Variants in SLC4A5 observed in about 807,000 individuals in gnomAD.
SLC4A5 encodes solute carrier family 4 member 5, also known as electrogenic sodium bicarbonate cotransporter 4.
Under a neutral mutation model 120.4 loss-of-function variants are expected in SLC4A5, and 96 were observed. The observed-to-expected ratio is 0.80, with a 90% CI of 0.68 to 0.94. The LOEUF is 0.94. Ranked by LOEUF, SLC4A5 falls within the 40% of genes least tolerant of loss-of-function variation. The pLI is 0.00. For missense variants in SLC4A5, 1,259 were observed against 1,459.5 expected (o/e 0.86, Z 2.24); for synonymous variants, 550 against 571.1 (o/e 0.96, Z 0.53).
At chr2:74,318,661 C>T (rs532193024) in intron 5 of SLC4A5, among the ~76,000 whole-genome samples, 6 of 150,066 alleles carry the variant, frequency 4.0e-5, no homozygotes, top group African/African-American at 7.4e-5. Flanking sequence ...CCAGCCTGGG[C>T]GACAGAGTGA....
chr2:74,283,649 C>T (rs1362735372), intron 8 of SLC4A5, among the ~76,000 whole-genome samples: 1 of 152,160 alleles, frequency 6.6e-6, no homozygotes, highest in African/African-American at 2.4e-5. Context: ...GGGCAGCTGT[C>T]AGGCTCTGGG....
intron 7 of SLC4A5, among the ~76,000 whole-genome samples, chr2:74,289,614 G>A (rs1207418629): frequency 6.6e-6 from 1 of 152,204 alleles, no homozygotes; most frequent in African/African-American, 2.4e-5. Context: ...ACTGGACCCA[G>A]CCTATTACTT....
chr2:74,252,286 GCCA>G (rs761718891), exon 16 of SLC4A5: 16 of 1,610,350 alleles, frequency 9.9e-6, no homozygotes, highest in Admixed American at 1.7e-5. Context: ...CGCCGCCACT[GCCA>G]CCACCACCAC....
At chr2:74,292,996 C>G (rs532787614) in intron 7 of SLC4A5, among the ~76,000 whole-genome samples, 5 of 148,060 alleles carry the variant, frequency 3.4e-5, no homozygotes, top group Non-Finnish European at 4.4e-5. Flanking sequence ...GCCTGACACT[C>G]GGGAGTATAT....
chr2:74,302,755 G>C (rs529427460), intron 7 of SLC4A5, among the ~76,000 whole-genome samples: 13 of 152,300 alleles, frequency 8.5e-5, no homozygotes, highest in African/African-American at 3.1e-4. Flanking sequence ...GATGTTCTAT[G>C]TCACCTCTTC....
At chr2:74,297,676 G>C (rs1672373650) in intron 7 of SLC4A5, among the ~76,000 whole-genome samples, 1 of 152,164 alleles carries the variant, frequency 6.6e-6, no homozygotes, top group African/African-American at 2.4e-5. Context: ...CCCCAGGGTA[G>C]AAACCCTGGC....
chr2:74,294,547 C>T (rs1454831896), intron 7 of SLC4A5, among the ~76,000 whole-genome samples: 1 of 152,024 alleles, frequency 6.6e-6, no homozygotes, highest in Admixed American at 6.6e-5. Context: ...TTTTTCCTTC[C>T]AAGCCAAGAG....
intron 4 of SLC4A5, among the ~76,000 whole-genome samples, chr2:74,333,579 G>A (rs1037317487): frequency 6.6e-6 from 1 of 152,172 alleles, no homozygotes; most frequent in Non-Finnish European, 1.5e-5. Context: ...AAGTAATCTA[G>A]AGATGATTTA....
intron 8 of SLC4A5, 89 bp from the exon 9 acceptor site, chr2:74,265,353 G>C (rs1036992586): frequency 2.7e-6 from 4 of 1,481,626 alleles, no homozygotes; most frequent in East Asian, 2.3e-5. Context: ...TGTCATGTGG[G>C]TTCATGCTAT....
At chr2:74,267,847 A>C (rs151083597) in intron 8 of SLC4A5, among the ~76,000 whole-genome samples, 2 of 152,220 alleles carry the variant, frequency 1.3e-5, no homozygotes, top group East Asian at 3.9e-4. Flanking sequence ...AAACCCAAAA[A>C]ATTAGCTGGG....
intron 17 of SLC4A5, 41 bp from the exon 18 acceptor site, chr2:74,248,527 A>G (rs761909233): frequency 1.2e-6 from 2 of 1,610,298 alleles, no homozygotes; most frequent in Admixed American, 3.4e-5. Flanking sequence ...TAGGAAGGAG[A>G]AGCGGTCTCT....
chr2:74,232,545 T>A (rs1670124826), exon 24 of SLC4A5: 2 of 1,613,704 alleles, frequency 1.2e-6, no homozygotes, highest in African/African-American at 2.7e-5. Flanking sequence ...ATGTGGGCGA[T>A]GGAGATGACC....
At chr2:74,232,241 G>A (rs1417044167) in intron 24 of SLC4A5, among the ~76,000 whole-genome samples, 5 of 152,138 alleles carry the variant, frequency 3.3e-5, no homozygotes, top group Non-Finnish European at 7.4e-5. Flanking sequence ...TTATGGATGG[G>A]GTATGCATAC....
At chr2:74,222,836 A>T (rs758190120) in intron 29 of SLC4A5, 32 bp downstream of exon 29, 4 of 1,547,874 alleles carry the variant, frequency 2.6e-6, no homozygotes, top group Non-Finnish European at 3.6e-6. Flanking sequence ...GACTAGTAGT[A>T]AGAAGGGAGA....
At chr2:74,269,490 C>CT (rs1671406860) in intron 8 of SLC4A5, among the ~76,000 whole-genome samples, 1 of 152,242 alleles carries the variant, frequency 6.6e-6, no homozygotes, top group South Asian at 2.1e-4. Flanking sequence ...ACCTCCGCCT[C>CT]TAAAAGTGCT....
At chr2:74,304,769 C>G (rs1672589128) in intron 6 of SLC4A5, 89 bp from the exon 7 acceptor site, 1 of 1,331,634 alleles carries the variant, frequency 7.5e-7, no homozygotes, top group Non-Finnish European at 1.0e-6. Context: ...AGAGATTGGG[C>G]TGCAGAAGCA....
chr2:74,302,016 G>A (rs1037122378), intron 7 of SLC4A5, among the ~76,000 whole-genome samples: 3 of 151,996 alleles, frequency 2.0e-5, no homozygotes, highest in Admixed American at 6.6e-5. Flanking sequence ...ATTCATAATT[G>A]GAAGATATTT....
intron 4 of SLC4A5, among the ~76,000 whole-genome samples, chr2:74,333,203 T>A (rs1359510965): frequency 6.6e-6 from 1 of 152,196 alleles, no homozygotes; most frequent in Non-Finnish European, 1.5e-5. Context: ...GAAATGCTGC[T>A]AACGTCCTAC....
intron 7 of SLC4A5, among the ~76,000 whole-genome samples, chr2:74,294,141 T>G (rs1672258377): frequency 6.6e-6 from 1 of 152,090 alleles, no homozygotes; most frequent in African/African-American, 2.4e-5. Flanking sequence ...CCTAAGTATG[T>G]TGGGGGTCAG....
Sources: gnomAD v4.1 joint callset for allele counts (sites outside exome capture counted in the v4.1 genomes callset) on GRCh38, gnomAD v4.1.1 for gene constraint, MANE v1.5 for transcripts, NCBI Gene and HGNC (gene_info 2026-07-23, HGNC 2026-07-21) for gene names.